Variants in OPRD1 observed in about 807,000 individuals in gnomAD.
OPRD1 encodes delta-type opioid receptor.
OPRD1 carries 19 observed loss-of-function variants against 17.5 expected under a neutral mutation model. The ratio of observed to expected loss-of-function variants is 1.09; its 90% confidence interval spans 0.76 to 1.60. OPRD1 has a LOEUF of 1.60. OPRD1 is among the 40% of genes most tolerant of loss of function. The pLI, the probability that OPRD1 is intolerant of heterozygous loss-of-function variation, is 0.00. For missense variants in OPRD1, 483 were observed against 547.2 expected (o/e 0.88, Z 1.17); for synonymous variants, 256 against 240.9 (o/e 1.06, Z -0.58).
rs2147748839 is a variant in OPRD1, at chr1:28,856,474, CCTCAATGTGTCT to C, written c.228-2476_228-2465del. 1.3e-5 allele frequency among the ~76,000 whole-genome samples: 2 copies of C among 152,288 alleles called. 1 individual carries two copies. Among genetic ancestry groups the C allele is most frequent in the South Asian group, 4.1e-4 (2 of 4,822 alleles). ...GCCACGCTTTAATAAAATCACTTCC[CCTCAATGTGTCT>C]CTCTTCCTGCTCTGGAATTCAAGGA... On this transcript the variant is annotated intron_variant, in intron 1 of 2. Transcript: ENST00000234961.
chr1:28,826,155 GGTTC>G (rs765621753), intron 1 of OPRD1, among the ~76,000 whole-genome samples: 4 of 152,128 alleles, frequency 2.6e-5, no homozygotes, highest in Non-Finnish European at 4.4e-5. Context: ...CTGTGGTTTG[GGTTC>G]CAGACCACTG....
rs940228130 is a variant in OPRD1 at position 28,870,073 on chromosome 1, T to C, written c.*6790T>C. 1 of 152,118 alleles carries C rather than the reference T, an allele frequency of 6.6e-6. No homozygotes were observed. The highest frequency in any genetic ancestry group is 6.6e-5 in the Admixed American group (1 of 15,248). The allele number at this position is 152,118 out of a possible 1,614,324, so 9.4% of individuals were successfully genotyped here. On this transcript the variant is annotated 3_prime_UTR_variant, in exon 3 of 3. Coordinates refer to ENST00000234961, the MANE Select transcript of OPRD1 (RefSeq NM_000911.4). ...GCTATGAGTGAAGGACCTTGTCTGT[T>C]TTGGTCATGAAAGTGTTCCCAGGAA...
At position 28,850,046 on chromosome 1, in the gene OPRD1, A is replaced by AT. The variant is rs1298126186; in HGVS notation, c.228-8901dup. On this transcript the variant is annotated intron_variant, in intron 1 of 2. Transcript: ENST00000234961. ...AGGTGCCCGCCACTACGTCTGGCTA[A>AT]TTTTTTTGTATTTGTAGTGGAGACA... 9.9e-5 allele frequency among the ~76,000 whole-genome samples: 15 copies of AT among 151,870 alleles called. No individual in the cohort carries two copies. The South Asian group carries it at 2.9e-3, about 30-fold the overall frequency.
In OPRD1 at chr1:28,813,736, C is replaced by T. The variant is rs1304038919; in HGVS notation, c.227+1126C>T. Among the ~76,000 whole-genome samples, 3 of 152,256 alleles carry T rather than the reference C, an allele frequency of 2.0e-5. No individual in the cohort carries two copies. The East Asian group carries it at 5.8e-4, about 29-fold the overall frequency. On this transcript the variant is annotated intron_variant, in intron 1 of 2. Coordinates refer to ENST00000234961, the MANE Select transcript of OPRD1 (RefSeq NM_000911.4). ...TCATGCTGGTGGACCAAGGACATGG[C>T]CCTAAACCTCTCTGGGCTGTGGGTG... is the stretch of plus-strand genomic sequence containing the variant.
Position 28,867,209 on chromosome 1 carries a change from GT to G in OPRD1, c.*3937del, listed in dbSNP as rs61134412. ...ATTTTTATTCATTTATTTTGTTTGGGTTTTTTTTTTTCTGAGACAGGGTCTC... is the reference window on the plus strand; with the variant it reads ...ATTTTTATTCATTTATTTTGTTTGGGTTTTTTTTTTCTGAGACAGGGTCTC... On this transcript the variant is annotated 3_prime_UTR_variant, in exon 3 of 3. Coordinates refer to ENST00000234961, the MANE Select transcript of OPRD1 (RefSeq NM_000911.4). 0.11 allele frequency: 16,694 copies of G among 145,672 alleles called. 1,258 individuals are homozygous for G. Among genetic ancestry groups the G allele is most frequent in the African/African-American group, 0.21 (8,294 of 39,850 alleles). The allele number at this position is 145,672 out of a possible 1,614,324, so 9.0% of individuals were successfully genotyped here. A position where few individuals can be genotyped will look rare whatever the true frequency, so the allele number is the denominator to read the frequency against.
At position 28,851,701 on chromosome 1, in the gene OPRD1, G is replaced by A. The variant is rs150217085; in HGVS notation, c.228-7253G>A. On this transcript the variant is annotated intron_variant, in intron 1 of 2. Transcript: ENST00000234961. ...AGCCTGACCAACATGAAGCAACCCC[G>A]TCTCTACTAAAAATACAAAATTAGC... Among the ~76,000 whole-genome samples, 232 of 151,616 alleles carry A rather than the reference G, an allele frequency of 1.5e-3. 1 individual carries two copies. The highest frequency in any genetic ancestry group is 5.3e-3 in the African/African-American group (219 of 41,296).
chr1:28,857,119 G>T (rs2089063812), intron 1 of OPRD1, among the ~76,000 whole-genome samples: 2 of 152,140 alleles, frequency 1.3e-5, no homozygotes, highest in Non-Finnish European at 2.9e-5. Flanking sequence ...AGAGAATCAA[G>T]TCACTCTGGT....
chr1:28,828,926 G>C (rs1472999956), intron 1 of OPRD1, among the ~76,000 whole-genome samples: 2 of 151,654 alleles, frequency 1.3e-5, no homozygotes, highest in Non-Finnish European at 2.9e-5. Flanking sequence ...GGAGGTGGAG[G>C]TTGCAGTGAG....
Position 28,871,047 on chromosome 1 carries a change from T to G in OPRD1, c.*7764T>G, listed in dbSNP as rs1211860506. ...TTCCTGGGTCCCAGAAACAGACATC[T>G]GTTGGTAAAATCTACTGGGCATTTG... On this transcript the variant is annotated 3_prime_UTR_variant, in exon 3 of 3. Coordinates refer to ENST00000234961, the MANE Select transcript of OPRD1 (RefSeq NM_000911.4). 6.6e-6 allele frequency: 1 copy of G among 152,170 alleles called. No homozygotes were observed. Among genetic ancestry groups the G allele is most frequent in the Non-Finnish European group, 1.5e-5 (1 of 68,020 alleles). The allele number at this position is 152,170 out of a possible 1,614,324, so 9.4% of individuals were successfully genotyped here.
In OPRD1 at chr1:28,863,143, C is replaced by G; in HGVS notation, c.979C>G (p.Arg327Gly). 1 of 1,607,280 alleles carries G rather than the reference C, an allele frequency of 6.2e-7. No homozygotes were observed. The highest frequency in any genetic ancestry group is 8.5e-7 in the Non-Finnish European group (1 of 1,178,866). The stretch of plus-strand genomic sequence containing the variant: ...CGCTTTCCTCGACGAGAACTTCAAG[C>G]GCTGCTTCCGCCAGCTCTGCCGCAA... ...LYAFLDENFK[R>G]CFRQLCRKPC... is the part of the protein sequence containing the mutation. The change falls in exon 3 of 3, where the codon CGC becomes GGC. Residue 327 changes from arginine to glycine, a missense_variant. Coordinates refer to ENST00000234961, the MANE Select transcript of OPRD1 (RefSeq NM_000911.4).
At chr1:28,849,445 C>T (rs1161501669) in intron 1 of OPRD1, among the ~76,000 whole-genome samples, 1 of 152,110 alleles carries the variant, frequency 6.6e-6, no homozygotes, top group Non-Finnish European at 1.5e-5. Context: ...CACTCAGTTC[C>T]CCTACAGTGA....
At chr1:28,835,140 C>T (rs1237840433) in intron 1 of OPRD1, among the ~76,000 whole-genome samples, 1 of 152,174 alleles carries the variant, frequency 6.6e-6, no homozygotes, top group African/African-American at 2.4e-5. Context: ...TTCCAGAGGT[C>T]CAGGGTCTGA....
chr1:28,859,958 G>A (rs2089098108), intron 2 of OPRD1, among the ~76,000 whole-genome samples: 1 of 152,224 alleles, frequency 6.6e-6, no homozygotes, highest in African/African-American at 2.4e-5. Context: ...GTGTGAGTAG[G>A]AGGAGCACAG....
At chr1:28,824,833 C>T (rs949488006) in intron 1 of OPRD1, among the ~76,000 whole-genome samples, 1 of 151,888 alleles carries the variant, frequency 6.6e-6, no homozygotes, top group Admixed American at 6.6e-5. Context: ...AACCCAGAGC[C>T]CACACTCTTT....
At chr1:28,860,632 A>C (rs946955367) in intron 2 of OPRD1, among the ~76,000 whole-genome samples, 5 of 152,224 alleles carry the variant, frequency 3.3e-5, no homozygotes, top group African/African-American at 9.6e-5. Context: ...TAGACAAGGC[A>C]GGGACTCCTA....
chr1:28,812,816 CG>C (rs964553170), intron 1 of OPRD1, among the ~76,000 whole-genome samples: 33 of 150,112 alleles, frequency 2.2e-4, no homozygotes, highest in African/African-American at 6.8e-4. Flanking sequence ...GTGTGTGGTG[CG>C]GGGGGGGGAG....
chr1:28,853,296 C>T (rs540192623), intron 1 of OPRD1, among the ~76,000 whole-genome samples: 1 of 152,202 alleles, frequency 6.6e-6, no homozygotes, highest in Admixed American at 6.5e-5. Context: ...TTTAGATGAT[C>T]CTGCAGCTGC....
chr1:28,834,381 C>CTTTTTT (rs11306242), intron 1 of OPRD1, among the ~76,000 whole-genome samples: 3 of 121,810 alleles, frequency 2.5e-5, no homozygotes, highest in South Asian at 2.9e-4. Context: ...TTCTTTTTTT[C>CTTTTTT]TTTTTTTTTT....
intron 1 of OPRD1, among the ~76,000 whole-genome samples, chr1:28,821,490 G>A (rs1165852558): frequency 6.6e-6 from 1 of 151,964 alleles, no homozygotes; most frequent in East Asian, 1.9e-4. Flanking sequence ...CTCCCACCTT[G>A]GCCTCCGAAA....
Sources: gnomAD v4.1 joint callset for allele counts (sites outside exome capture counted in the v4.1 genomes callset) on GRCh38, gnomAD v4.1.1 for gene constraint, MANE v1.5 for transcripts, NCBI Gene and HGNC (gene_info 2026-07-23, HGNC 2026-07-21) for gene names.